Variants in FBXO3 observed in about 807,000 individuals in gnomAD.
The protein encoded by FBXO3 is F-box only protein 3.
A neutral mutation model predicts 64.8 loss-of-function variants in FBXO3; 17 were observed. The ratio of observed to expected loss-of-function variants is 0.26; its 90% CI spans 0.18 to 0.39. The LOEUF is 0.39. FBXO3 is among the 10% of genes least tolerant of loss of function. The pLI is 1.00. For synonymous variants in FBXO3, 182 were observed against 201.6 expected, an observed-to-expected ratio of 0.90 and a Z score of 0.82; for missense variants, 420 against 589.9, an observed-to-expected ratio of 0.71 and a Z score of 2.98.
chr11:33,756,593 C>G (rs1855103398), intron 4 of FBXO3, among the ~76,000 whole-genome samples: 2 of 152,222 alleles, frequency 1.3e-5, no homozygotes, highest in South Asian at 4.1e-4. Context: ...TTCTGGGCAA[C>G]TCTTCTAACA....
chr11:33,741,424 T>C lies in FBXO3; in HGVS notation c.*484A>G, dbSNP rs1469508733. 6.5e-6 allele frequency: 1 copy of C among 152,714 alleles called. No individual in the cohort carries two copies. The highest frequency in any genetic ancestry group is 1.5e-5 in the Non-Finnish European group (1 of 68,082). 9.5% of individuals were successfully genotyped at this position (152,714 alleles called of 1,614,324 possible). ...GCGTTCAAGTTGTTTAGTCAATTAG[T>C]TCTCTGTGAGTACAAAATATTAGGA... is the stretch of plus-strand genomic sequence containing the variant. On this transcript the variant is annotated 3_prime_UTR_variant, in exon 11 of 11. Transcript: ENST00000265651.
In FBXO3 at chr11:33,771,203, C is replaced by T. The variant is rs188850876; in HGVS notation, c.105-373G>A. 3.1e-3 allele frequency: 475 copies of T among 154,856 alleles called. 1 individual carries two copies. Among genetic ancestry groups the T allele is most frequent in the African/African-American group, 0.011 (438 of 41,652 alleles). 9.6% of individuals were successfully genotyped at this position (154,856 alleles called of 1,614,324 possible). ...AGTTATTTAGTCATAAACAAAGGGACTTGGGGTTTTTTCCCAAGATCTGTA... is the reference window on the plus strand; with the variant it reads ...AGTTATTTAGTCATAAACAAAGGGATTTGGGGTTTTTTCCCAAGATCTGTA... On this transcript the variant is annotated intron_variant, in intron 1 of 10. Transcript: ENST00000265651.
At chr11:33,767,831 T>C (rs1403150301) in intron 3 of FBXO3, among the ~76,000 whole-genome samples, 1 of 152,206 alleles carries the variant, frequency 6.6e-6, no homozygotes, top group Non-Finnish European at 1.5e-5. Flanking sequence ...ACATACCAAG[T>C]AAATAGTATT....
chr11:33,755,982 A>C lies in FBXO3; in HGVS notation c.474-7T>G, dbSNP rs754649976. On this transcript the variant is annotated splice_polypyrimidine_tract_variant and splice_region_variant and intron_variant, in intron 4 of 10. Coordinates refer to ENST00000265651, the MANE Select transcript of FBXO3 (RefSeq NM_012175.4). ...TGCCATGCTTCCCAATAACCTGAGGAGCATACAGACTCAAACATGTAATAC... is the reference window on the plus strand; with the variant it reads ...TGCCATGCTTCCCAATAACCTGAGGCGCATACAGACTCAAACATGTAATAC... 6.2e-7 allele frequency: 1 copy of C among 1,613,052 alleles called. No individual in the cohort carries two copies.
intron 3 of FBXO3, among the ~76,000 whole-genome samples, chr11:33,764,455 T>G (rs1855317767): frequency 6.6e-6 from 1 of 152,262 alleles, no homozygotes; most frequent in Admixed American, 6.5e-5. Context: ...CACTTACAAT[T>G]TGTGCCTATT....
chr11:33,749,643 C>T (rs1854905255), intron 8 of FBXO3, among the ~76,000 whole-genome samples: 1 of 152,142 alleles, frequency 6.6e-6, no homozygotes, highest in Admixed American at 6.5e-5. Context: ...CGATTATAGG[C>T]GTGGGCCACC....
chr11:33,754,873 T>TTG (rs1464219054), intron 5 of FBXO3, among the ~76,000 whole-genome samples: 1 of 151,716 alleles, frequency 6.6e-6, no homozygotes, highest in Non-Finnish European at 1.5e-5. Context: ...CATTTTCTTT[T>TTG]TTTTTTTTTT....
At chr11:33,755,367 A>G (rs1440822545) in intron 5 of FBXO3, among the ~76,000 whole-genome samples, 1 of 152,156 alleles carries the variant, frequency 6.6e-6, no homozygotes, top group African/African-American at 2.4e-5. Flanking sequence ...AAAGAACTAC[A>G]TTTTTCGATA....
intron 10 of FBXO3, chr11:33,744,074 C>T (rs1449295273): frequency 6.6e-6 from 1 of 152,070 alleles, no homozygotes; most frequent in South Asian, 2.1e-4. Flanking sequence ...AAAATATACA[C>T]TGATACGACT....
At chr11:33,754,169 T>G (rs1213150296) in intron 6 of FBXO3, 3 of 284,590 alleles carry the variant, frequency 1.1e-5, no homozygotes, top group Non-Finnish European at 1.9e-5. Context: ...TTAAGAAAAA[T>G]ATATACACAT....
intron 4 of FBXO3, chr11:33,757,155 AC>A (rs1159851666): frequency 6.0e-6 from 3 of 501,602 alleles, no homozygotes; most frequent in African/African-American, 5.9e-5. Flanking sequence ...ACAAAGGAAC[AC>A]CAGGTTCCAA....
intron 7 of FBXO3, among the ~76,000 whole-genome samples, chr11:33,751,062 G>A (rs1033965894): frequency 1.3e-5 from 2 of 152,148 alleles, no homozygotes; most frequent in African/African-American, 4.8e-5. Flanking sequence ...AGCCTCTAAT[G>A]TATAATCAAT....
In FBXO3 at chr11:33,751,635, G is replaced by A. The variant is rs775258413; in HGVS notation, c.725-28C>T. Reference sequence around the variant, plus strand: ...ATAAAGCAGGAAAGGGAGAAAAAAAGAAAAGAACAAATAGTTTTGTAAAAT... The same window carrying A: ...ATAAAGCAGGAAAGGGAGAAAAAAAAAAAAGAACAAATAGTTTTGTAAAAT... On this transcript the variant is annotated intron_variant, in intron 6 of 10. Coordinates refer to ENST00000265651, the MANE Select transcript of FBXO3 (RefSeq NM_012175.4). 13 of 1,359,682 alleles carry A rather than the reference G, an allele frequency of 9.6e-6. No homozygotes were observed. The South Asian group carries it at 1.7e-4, about 17-fold the overall frequency. 84.2% of individuals were successfully genotyped at this position (1,359,682 alleles called of 1,614,324 possible).
Position 33,770,732 on chromosome 11 carries a change from A to T in FBXO3, c.194+9T>A. Reference sequence around the variant, plus strand: ...AGTTTTCAGAAGTACATATTCCTCGAATACTCACTCAGATATCAGCCAGTA... The same window carrying T: ...AGTTTTCAGAAGTACATATTCCTCGTATACTCACTCAGATATCAGCCAGTA... On this transcript the variant is annotated intron_variant, in intron 2 of 10. Transcript: ENST00000265651. 1 of 1,606,614 alleles carries T rather than the reference A, an allele frequency of 6.2e-7. No individual in the cohort carries two copies. Among genetic ancestry groups the T allele is most frequent in the Non-Finnish European group, 8.5e-7 (1 of 1,174,402 alleles).
At position 33,742,036 on chromosome 11, in the gene FBXO3, C is replaced by T; in HGVS notation, c.1288G>A (p.Glu430Lys). 3 of 1,590,144 alleles carry T rather than the reference C, an allele frequency of 1.9e-6. No individual in the cohort carries two copies. The highest frequency in any genetic ancestry group is 1.7e-6 in the Non-Finnish European group (2 of 1,162,698). The part of the protein sequence containing the change: ...YEEMEEEEEE[E>K]EEEDEDDDSA... ...TCATCATCCTCGTCTTCCTCCTCTT[C>T]CTCCTCCTCCTCTTCTTCCATCTCT... The change falls in exon 11 of 11, where the codon GAA (glutamate) becomes AAA (lysine). Residue 430 changes from glutamate (E) to lysine (K), a missense_variant. Transcript: ENST00000265651.
At chr11:33,752,467 G>A (rs539440134) in intron 6 of FBXO3, among the ~76,000 whole-genome samples, 11 of 152,116 alleles carry the variant, frequency 7.2e-5, no homozygotes, top group Non-Finnish European at 1.3e-4. Context: ...CTGTCACACT[G>A]AATGTCAGAT....
At chr11:33,750,719 T>A in intron 7 of FBXO3, 58 bp from the exon 8 acceptor site, 2 of 1,510,440 alleles carry the variant, frequency 1.3e-6, no homozygotes, top group South Asian at 2.4e-5. Context: ...AAAGATACGA[T>A]GCAAAATAGG....
chr11:33,751,680 A>ATAT, intron 6 of FBXO3, 73 bp from the exon 7 acceptor site: 1 of 821,432 alleles, frequency 1.2e-6, no homozygotes, highest in Non-Finnish European at 1.9e-6. Context: ...AAACAATTGT[A>ATAT]ATTCCTCTAT....
rs528643575 is a variant in FBXO3, at chr11:33,741,515, G to A, written c.*393C>T. 1 of 154,714 alleles carries A rather than the reference G, an allele frequency of 6.5e-6. No homozygotes were observed. The highest frequency in any genetic ancestry group is 2.4e-5 in the African/African-American group (1 of 41,682). 9.6% of individuals were successfully genotyped at this position (154,714 alleles called of 1,614,324 possible). On this transcript the variant is annotated 3_prime_UTR_variant, in exon 11 of 11. Transcript: ENST00000265651. ...TCTAAATAACTCACAACTGCAAGAAGTCTTTTCACAGAATGAGTCACATAG... is the reference window on the plus strand; with the variant it reads ...TCTAAATAACTCACAACTGCAAGAAATCTTTTCACAGAATGAGTCACATAG...
Sources: allele counts gnomAD v4.1 joint callset (sites outside exome capture counted in the v4.1 genomes callset), GRCh38; gene constraint gnomAD v4.1.1; transcripts MANE v1.5; gene names NCBI Gene and HGNC (gene_info 2026-07-23, HGNC 2026-07-21).